Variants in ROBO2 observed in about 807,000 individuals in gnomAD.
ROBO2 encodes roundabout homolog 2.
In ROBO2, 53 loss-of-function variants were observed where a neutral mutation model predicts 160.8. The observed-to-expected ratio is 0.33, with a 90% CI of 0.26 to 0.41. The LOEUF (loss-of-function observed/expected upper bound fraction) is 0.41. Ranked by LOEUF, ROBO2 falls within the 10% of genes least tolerant of loss-of-function variation. The probability of loss-of-function intolerance (pLI) is 1.00; values close to 1 mark genes in which losing one functional copy is unlikely to be tolerated. For missense variants in ROBO2, 1,577 were observed against 1,722.4 expected (o/e 0.92, Z 1.49); for synonymous variants, 664 against 611.7 (o/e 1.09, Z -1.26).
intron 6 of ROBO2, 98 bp downstream of exon 7, chr3:77,527,512 C>A (rs2091279583): frequency 3.2e-6 from 3 of 932,196 alleles, no homozygotes; most frequent in Non-Finnish European, 4.3e-6. Context: ...ATTTATTTTA[C>A]CCATGTTAAA....
intron 2 of ROBO2, among the ~76,000 whole-genome samples, chr3:76,663,728 C>A (rs908103806): frequency 6.6e-6 from 1 of 152,066 alleles, no homozygotes; most frequent in Non-Finnish European, 1.5e-5. Flanking sequence ...TAGCTAGGAC[C>A]TAATTGTGTA....
chr3:77,361,248 C>T (rs1190752211), intron 2 of ROBO2, among the ~76,000 whole-genome samples: 4 of 152,144 alleles, frequency 2.6e-5, no homozygotes, highest in Middle Eastern at 3.4e-3. Context: ...AAGAGCAAAT[C>T]GTTTTGTTTT....
chr3:77,421,304 T>C (rs1269662343), intron 2 of ROBO2, among the ~76,000 whole-genome samples: 1 of 152,206 alleles, frequency 6.6e-6, no homozygotes, highest in Non-Finnish European at 1.5e-5. Flanking sequence ...ATCCCATTAA[T>C]ATTTACATCA....
At chr3:76,658,721 T>C (rs1287230200) in intron 2 of ROBO2, among the ~76,000 whole-genome samples, 3 of 152,174 alleles carry the variant, frequency 2.0e-5, no homozygotes, top group African/African-American at 7.2e-5. Flanking sequence ...ACATTTTCTT[T>C]ATCCAGTCTA....
At chr3:77,617,743 C>T (rs763308048) in exon 22 of ROBO2, 1 of 1,613,716 alleles carries the variant, frequency 6.2e-7, no homozygotes, top group South Asian at 1.1e-5. Flanking sequence ...TTGACAAGAG[C>T]CTATCAGTTT....
At chr3:76,837,126 G>A (rs1399048694) in intron 2 of ROBO2, among the ~76,000 whole-genome samples, 2 of 151,890 alleles carry the variant, frequency 1.3e-5, no homozygotes, top group East Asian at 3.9e-4. Context: ...TTATTACAAC[G>A]TTTTCCTATA....
chr3:76,599,962 G>A (rs187316410), intron 2 of ROBO2, among the ~76,000 whole-genome samples: 1 of 152,238 alleles, frequency 6.6e-6, no homozygotes, highest in Non-Finnish European at 1.5e-5. Flanking sequence ...CATGTGCATA[G>A]TTCTCAAATA....
At chr3:76,169,806 G>A (rs2072974242) in intron 2 of ROBO2, among the ~76,000 whole-genome samples, 1 of 151,980 alleles carries the variant, frequency 6.6e-6, no homozygotes, top group Admixed American at 6.6e-5. Flanking sequence ...TTTTGAGACG[G>A]AGCCTCACTC....
intron 2 of ROBO2, among the ~76,000 whole-genome samples, chr3:76,173,061 A>T (rs993826607): frequency 6.6e-6 from 1 of 151,952 alleles, no homozygotes; most frequent in African/African-American, 2.4e-5. Context: ...ATATGACCAC[A>T]TGGCGTAAGG....
At chr3:76,813,840 A>G (rs963496603) in intron 2 of ROBO2, among the ~76,000 whole-genome samples, 2 of 152,144 alleles carry the variant, frequency 1.3e-5, no homozygotes, top group African/African-American at 4.8e-5. Flanking sequence ...ATTTGTACTG[A>G]TTTTTAAACA....
chr3:76,535,459 T>C (rs1158018268), intron 2 of ROBO2, among the ~76,000 whole-genome samples: 1 of 151,906 alleles, frequency 6.6e-6, no homozygotes, highest in Non-Finnish European at 1.5e-5. Flanking sequence ...CATGATCAGT[T>C]GTCAAGGAAG....
At chr3:76,579,534 A>T (rs754908429) in intron 2 of ROBO2, among the ~76,000 whole-genome samples, 7 of 152,182 alleles carry the variant, frequency 4.6e-5, no homozygotes, top group Non-Finnish European at 1.0e-4. Flanking sequence ...TCTACAGAAA[A>T]AAACACATAT....
chr3:77,164,485 T>TG (rs1284702187), intron 2 of ROBO2, among the ~76,000 whole-genome samples: 1 of 96,940 alleles, frequency 1.0e-5, no homozygotes, highest in South Asian at 4.0e-4. Context: ...GGGAGGGAGG[T>TG]GGGGGGGTCA....
At chr3:77,632,630 T>G (rs1482143559) in intron 23 of ROBO2, 2 of 1,535,366 alleles carry the variant, frequency 1.3e-6, no homozygotes, top group Middle Eastern at 1.7e-4. Context: ...GGTTTTAGGC[T>G]GGATGGAACC....
At chr3:76,695,093 G>A (rs528823128) in intron 2 of ROBO2, among the ~76,000 whole-genome samples, 2 of 152,228 alleles carry the variant, frequency 1.3e-5, no homozygotes, top group East Asian at 1.9e-4. Context: ...GATGGAGTGA[G>A]GCCCTGTCTC....
chr3:77,429,938 G>C (rs919550590), intron 2 of ROBO2, among the ~76,000 whole-genome samples: 3 of 152,124 alleles, frequency 2.0e-5, no homozygotes, highest in African/African-American at 7.2e-5. Context: ...CTAAGAGTGG[G>C]AGCCCCTGGC....
chr3:77,489,457 A>G (rs1021714821), intron 4 of ROBO2, among the ~76,000 whole-genome samples: 30 of 152,134 alleles, frequency 2.0e-4, no homozygotes, highest in Admixed American at 1.2e-3. Flanking sequence ...GGGATCCTGT[A>G]TCTTGATTCT....
intron 2 of ROBO2, among the ~76,000 whole-genome samples, chr3:77,439,491 A>G (rs985351040): frequency 1.3e-5 from 2 of 152,152 alleles, no homozygotes; most frequent in African/African-American, 4.8e-5. Flanking sequence ...AGTTCTGAAA[A>G]AGATGGACTG....
At chr3:76,161,504 C>A (rs1019515839) in intron 2 of ROBO2, among the ~76,000 whole-genome samples, 1 of 152,082 alleles carries the variant, frequency 6.6e-6, no homozygotes, top group African/African-American at 2.4e-5. Flanking sequence ...GTTAATGTCA[C>A]CAATGTCTCC....
Sources: gnomAD v4.1 joint callset for allele counts (sites outside exome capture counted in the v4.1 genomes callset) on GRCh38, gnomAD v4.1.1 for gene constraint, MANE v1.5 for transcripts, NCBI Gene and HGNC (gene_info 2026-07-23, HGNC 2026-07-21) for gene names.